CACNA1A: variants seen among roughly 807,000 people sequenced by gnomAD.
The protein encoded by CACNA1A is calcium voltage-gated channel subunit alpha1 A.
In CACNA1A, 57 loss-of-function variants were observed where a neutral mutation model predicts 262.4. That is an observed-to-expected ratio of 0.22 (90% CI 0.18 to 0.27). The LOEUF (loss-of-function observed/expected upper bound fraction) is 0.27. Ranked by LOEUF, CACNA1A falls within the 10% of genes least tolerant of loss-of-function variation. The probability of loss-of-function intolerance (pLI) is 1.00; values close to 1 mark genes in which losing one functional copy is unlikely to be tolerated. For missense variants in CACNA1A, 2,526 were observed against 3,562.8 expected (o/e 0.71, Z 7.41); for synonymous variants, 1,431 against 1,419.3 (o/e 1.01, Z -0.18).
chr19:13,479,126 A>G (rs1321201212), intron 1 of CACNA1A, among the ~76,000 whole-genome samples: 1 of 152,232 alleles, frequency 6.6e-6, no homozygotes, highest in Non-Finnish European at 1.5e-5. Context: ...GTGAGCCCAG[A>G]TCGTGCCACC....
At chr19:13,344,987 G>T (rs2058739581) in intron 6 of CACNA1A, among the ~76,000 whole-genome samples, 1 of 151,970 alleles carries the variant, frequency 6.6e-6, no homozygotes, top group African/African-American at 2.4e-5. Flanking sequence ...TTGAACTCCT[G>T]GGCTCAAGCA....
At chr19:13,482,843 T>C (rs1033853091) in intron 1 of CACNA1A, among the ~76,000 whole-genome samples, 2 of 143,722 alleles carry the variant, frequency 1.4e-5, no homozygotes, top group African/African-American at 5.1e-5. Context: ...CTTCTTTCTC[T>C]CAACTTGTGT....
rs142697111 is a variant in CACNA1A, at chr19:13,357,411, G to A, written c.978+2195C>T. On this transcript the variant is annotated intron_variant, in intron 6 of 46. Coordinates refer to ENST00000360228, the MANE Select transcript of CACNA1A (RefSeq NM_001127222.2). Reference sequence around the variant, plus strand: ...GGAGGAAGCCAGGTATTGCTCCCGGGTCAGGCCAACCGCTGGCCTAAACTT... The same window carrying A: ...GGAGGAAGCCAGGTATTGCTCCCGGATCAGGCCAACCGCTGGCCTAAACTT... Among the ~76,000 whole-genome samples the A allele has an allele frequency of 7.3e-3, 1,105 of 152,312 alleles. 23 individuals are homozygous for A. The highest frequency in any genetic ancestry group is 0.054 in the Admixed American group (828 of 15,294).
intron 6 of CACNA1A, among the ~76,000 whole-genome samples, chr19:13,341,121 A>G (rs1270145708): frequency 6.6e-6 from 1 of 152,168 alleles, no homozygotes; most frequent in Non-Finnish European, 1.5e-5. Flanking sequence ...GAAAAGGAGA[A>G]ACCTGGGCAC....
intron 10 of CACNA1A, among the ~76,000 whole-genome samples, chr19:13,321,940 G>A (rs914129859): frequency 8.6e-5 from 13 of 151,992 alleles, no homozygotes; most frequent in African/African-American, 2.7e-4. Flanking sequence ...CGGTGGGCTC[G>A]TGCCCGTAAT....
intron 3 of CACNA1A, among the ~76,000 whole-genome samples, chr19:13,378,939 G>T (rs1360189949): frequency 6.7e-6 from 1 of 149,722 alleles, no homozygotes; most frequent in Non-Finnish European, 1.5e-5. Context: ...AAACTGTTGG[G>T]ATTACAGGCA....
intron 19 of CACNA1A, 68 bp downstream of exon 19, chr19:13,298,476 T>C: frequency 7.5e-7 from 1 of 1,342,020 alleles, no homozygotes; most frequent in Non-Finnish European, 1.0e-6. Flanking sequence ...ACACAGCACG[T>C]GCTACTTTGG....
At chr19:13,408,269 C>T (rs2060048674) in intron 3 of CACNA1A, among the ~76,000 whole-genome samples, 1 of 152,082 alleles carries the variant, frequency 6.6e-6, no homozygotes, top group Non-Finnish European at 1.5e-5. Flanking sequence ...ACTCAGGAAG[C>T]TGAGGTGGGA....
At chr19:13,464,795 A>T (rs545021921) in intron 1 of CACNA1A, among the ~76,000 whole-genome samples, 25 of 151,522 alleles carry the variant, frequency 1.6e-4, no homozygotes, top group Admixed American at 1.1e-3. Context: ...TGATCTGCCC[A>T]CCTTGGCCTC....
In CACNA1A at chr19:13,228,876, G is replaced by C. The variant is rs78385489; in HGVS notation, c.5528+1206C>G. 1,483 of 696,888 alleles carry C rather than the reference G, an allele frequency of 2.1e-3. 17 individuals are homozygous for C. In the African/African-American group the frequency reaches 0.025, roughly 12 times the overall value. 43.2% of individuals were successfully genotyped at this position (696,888 alleles called of 1,614,324 possible). ...GGCACACAGCGAGGTCATGATGCCC[G>C]AGGCTGGGGTGTCCCTGGCTTGAAG... On this transcript the variant is annotated intron_variant, in intron 36 of 46. Coordinates refer to ENST00000360228, the MANE Select transcript of CACNA1A (RefSeq NM_001127222.2).
chr19:13,346,644 A>T (rs1427833029), intron 6 of CACNA1A, among the ~76,000 whole-genome samples: 13 of 7,226 alleles, frequency 1.8e-3, no homozygotes, highest in South Asian at 5.0e-3. Context: ...ATATATATAT[A>T]TATATATATA....
intron 6 of CACNA1A, among the ~76,000 whole-genome samples, chr19:13,339,936 A>G (rs967518389): frequency 6.6e-6 from 1 of 152,230 alleles, no homozygotes; most frequent in African/African-American, 2.4e-5. Flanking sequence ...TCTGGAAGAA[A>G]GAACCGAGTC....
Position 13,234,912 on chromosome 19 carries a change from C to T in CACNA1A, c.5249+9G>A. On this transcript the variant is annotated intron_variant, in intron 34 of 46. Transcript: ENST00000360228. The stretch of plus-strand genomic sequence containing the variant: ...GAAACAGAATTATCAGAGCAGGTCC[C>T]CTTCTCACCGGAAGAGAAGCATGAG... 1 of 1,579,822 alleles carries T rather than the reference C, an allele frequency of 6.3e-7. No homozygotes were observed. The highest frequency in any genetic ancestry group is 1.7e-5 in the Admixed American group (1 of 59,994).
intron 6 of CACNA1A, among the ~76,000 whole-genome samples, chr19:13,342,703 A>G (rs1317194577): frequency 6.6e-6 from 1 of 152,136 alleles, no homozygotes; most frequent in Non-Finnish European, 1.5e-5. Flanking sequence ...ACCTTCTAGC[A>G]TTCCTTTTTT....
chr19:13,379,326 A>C (rs931523132), intron 3 of CACNA1A, among the ~76,000 whole-genome samples: 4 of 152,106 alleles, frequency 2.6e-5, no homozygotes, highest in African/African-American at 4.8e-5. Context: ...ACATAATGCT[A>C]TCATGCACTT....
chr19:13,300,426 A>G, intron 18 of CACNA1A, 124 bp downstream of exon 18: 1 of 698,928 alleles, frequency 1.4e-6, no homozygotes, highest in Non-Finnish European at 2.6e-6. Flanking sequence ...TGGAAGGACA[A>G]GAAGTGTCTC....
intron 19 of CACNA1A, among the ~76,000 whole-genome samples, chr19:13,288,750 C>T (rs547447904): frequency 6.6e-6 from 1 of 152,012 alleles, no homozygotes; most frequent in Non-Finnish European, 1.5e-5. Flanking sequence ...GACAACACAG[C>T]CCTGGTTTCC....
intron 38 of CACNA1A, among the ~76,000 whole-genome samples, chr19:13,218,248 G>A (rs558006445): frequency 1.1e-4 from 16 of 152,110 alleles, no homozygotes; most frequent in Admixed American, 6.5e-4. Flanking sequence ...CCGCCGCCAC[G>A]CCTGGATAAT....
intron 3 of CACNA1A, among the ~76,000 whole-genome samples, chr19:13,374,725 G>A (rs146996970): frequency 6.6e-6 from 1 of 152,228 alleles, no homozygotes; most frequent in East Asian, 1.9e-4. Flanking sequence ...ACAGGCAGTG[G>A]TTAAGTCCTT....
Sources: gnomAD v4.1 joint callset for allele counts (sites outside exome capture counted in the v4.1 genomes callset) on GRCh38, gnomAD v4.1.1 for gene constraint, MANE v1.5 for transcripts, NCBI Gene and HGNC (gene_info 2026-07-23, HGNC 2026-07-21) for gene names.